Variants in ARL15 observed in about 807,000 individuals in gnomAD.
ARL15 encodes ADP-ribosylation factor-like protein 15.
Under a neutral mutation model 25.2 loss-of-function variants are expected in ARL15, and 19 were observed. The observed-to-expected ratio is 0.75, with a 90% confidence interval of 0.53 to 1.10. The LOEUF (loss-of-function observed/expected upper bound fraction) is 1.10, where lower values mean the gene tolerates loss of function less well. Ranked by LOEUF, ARL15 falls within the 50% of genes least tolerant of loss-of-function variation. ARL15 has a pLI of 0.00. For missense variants in ARL15, 220 were observed against 246.0 expected (o/e 0.89, Z 0.71); for synonymous variants, 94 against 86.8 (o/e 1.08, Z -0.46).
intron 4 of ARL15, among the ~76,000 whole-genome samples, chr5:54,078,226 A>G (rs1480768584): frequency 6.6e-6 from 1 of 152,200 alleles, no homozygotes; most frequent in African/African-American, 2.4e-5. Context: ...GTATGCTTAC[A>G]TTGTAATCAA....
chr5:53,911,947 T>C (rs1428942634), intron 4 of ARL15: 1 of 152,156 alleles, frequency 6.6e-6, no homozygotes, highest in Non-Finnish European at 1.5e-5. Context: ...TATTTCTTTT[T>C]CACCTTCCTT....
intron 4 of ARL15, among the ~76,000 whole-genome samples, chr5:54,036,229 A>G (rs918048449): frequency 6.6e-6 from 1 of 152,182 alleles, no homozygotes; most frequent in African/African-American, 2.4e-5. Flanking sequence ...CAAATTATTC[A>G]AAATGAAATA....
intron 3 of ARL15, among the ~76,000 whole-genome samples, chr5:54,118,579 T>C (rs1752978849): frequency 1.3e-5 from 2 of 152,188 alleles, no homozygotes; most frequent in African/African-American, 2.4e-5. Context: ...AATTTAGGCA[T>C]AAATTTAGAG....
At chr5:54,051,630 G>A (rs548309310) in intron 4 of ARL15, among the ~76,000 whole-genome samples, 80 of 152,238 alleles carry the variant, frequency 5.3e-4, no homozygotes, top group African/African-American at 1.9e-3. Flanking sequence ...ACCACTACAC[G>A]TTTGCTAAAA....
At chr5:54,194,160 G>A (rs1755487117) in intron 1 of ARL15, among the ~76,000 whole-genome samples, 1 of 151,850 alleles carries the variant, frequency 6.6e-6, no homozygotes, top group Non-Finnish European at 1.5e-5. Context: ...TCATAATTTA[G>A]CTCTATATTG....
intron 4 of ARL15, among the ~76,000 whole-genome samples, chr5:53,999,563 C>T (rs535720037): frequency 1.3e-5 from 2 of 151,986 alleles, no homozygotes; most frequent in South Asian, 2.1e-4. Context: ...TGCACTCCAA[C>T]TTGTGCAACA....
At chr5:54,199,766 C>A (rs1755658024) in intron 1 of ARL15, among the ~76,000 whole-genome samples, 1 of 140,588 alleles carries the variant, frequency 7.1e-6, no homozygotes. Flanking sequence ...ACTAGAAATA[C>A]CATTTGACCC....
intron 4 of ARL15, among the ~76,000 whole-genome samples, chr5:54,046,806 T>C (rs1218485982): frequency 6.6e-6 from 1 of 152,150 alleles, no homozygotes; most frequent in Non-Finnish European, 1.5e-5. Flanking sequence ...ATGCAGGGCT[T>C]ACTGGGGACA....
intron 4 of ARL15, among the ~76,000 whole-genome samples, chr5:53,909,472 C>T (rs529279442): frequency 2.9e-4 from 44 of 152,274 alleles, no homozygotes; most frequent in African/African-American, 7.5e-4. Flanking sequence ...TTAGGGAGGC[C>T]GAGGTGGGCA....
intron 1 of ARL15, among the ~76,000 whole-genome samples, chr5:54,265,846 G>A (rs965273089): frequency 2.6e-5 from 4 of 152,106 alleles, no homozygotes; most frequent in Admixed American, 6.6e-5. Context: ...TTAGAATGAT[G>A]GCTGACACTT....
In ARL15 at chr5:54,300,416, A is replaced by G. The variant is rs35948; in HGVS notation, c.48+10016T>C. On this transcript the variant is annotated intron_variant, in intron 1 of 4. Transcript: ENST00000504924. ...AGCTGTTGCAATGTACCCAGCTCAG[A>G]TGCCAGGCATGTGTATGAAGCCTTG... 9.3e-3 allele frequency among the ~76,000 whole-genome samples: 1,418 copies of G among 152,218 alleles called. 8 individuals are homozygous for G. The highest frequency in any genetic ancestry group is 0.02 in the Middle Eastern group (6 of 294).
rs57386310 is a variant in ARL15, at chr5:54,140,417, CAGATAGATAGAT to C, written c.253+14151_253+14162del. On this transcript the variant is annotated intron_variant, in intron 3 of 4. Transcript: ENST00000504924. The stretch of plus-strand genomic sequence containing the variant: ...ATATATATATGCGTGTGTGGATAGA[CAGATAGATAGAT>C]AGATAGATAGATAGATAGATAGATA... Among the ~76,000 whole-genome samples, 438 of 145,360 alleles carry C rather than the reference CAGATAGATAGAT, an allele frequency of 3.0e-3. 2 individuals carry two copies. The highest frequency in any genetic ancestry group is 2.9e-3 in the Admixed American group (42 of 14,314).
intron 4 of ARL15, among the ~76,000 whole-genome samples, chr5:53,977,904 G>A (rs979258074): frequency 3.4e-5 from 5 of 149,040 alleles, no homozygotes; most frequent in African/African-American, 1.2e-4. Flanking sequence ...GTTTTATAAA[G>A]TATTTTATGT....
intron 2 of ARL15, among the ~76,000 whole-genome samples, chr5:54,164,039 G>A (rs1754497837): frequency 1.3e-5 from 2 of 151,964 alleles, no homozygotes; most frequent in South Asian, 4.1e-4. Context: ...TTTTCTTAAA[G>A]TCCCGTTTTA....
chr5:53,920,142 C>G (rs945061507), intron 4 of ARL15, among the ~76,000 whole-genome samples: 11 of 152,126 alleles, frequency 7.2e-5, no homozygotes, highest in African/African-American at 2.7e-4. Context: ...TGCTAAAGCC[C>G]TGAACAATCC....
At chr5:54,223,655 A>C (rs935330359) in intron 1 of ARL15, among the ~76,000 whole-genome samples, 61 of 152,228 alleles carry the variant, frequency 4.0e-4, no homozygotes, top group Non-Finnish European at 7.3e-5. Context: ...ATGATTCTCA[A>C]ATCAGAGCTT....
intron 4 of ARL15, among the ~76,000 whole-genome samples, chr5:54,040,349 GA>G: frequency 6.6e-6 from 1 of 152,292 alleles, no homozygotes; most frequent in South Asian, 2.1e-4. Flanking sequence ...AGTGGGAAGA[GA>G]GAATCAAATA....
intron 4 of ARL15, among the ~76,000 whole-genome samples, chr5:54,072,523 G>A (rs571786278): frequency 2.6e-5 from 4 of 152,102 alleles, no homozygotes; most frequent in African/African-American, 7.2e-5. Context: ...AAATGTCTCC[G>A]AGATATTTAA....
chr5:54,178,840 T>C (rs1298605982), intron 1 of ARL15, among the ~76,000 whole-genome samples: 1 of 152,208 alleles, frequency 6.6e-6, no homozygotes, highest in Non-Finnish European at 1.5e-5. Flanking sequence ...TTTGAAAATG[T>C]AAACCCAGTA....
Sources: allele counts gnomAD v4.1 joint callset (sites outside exome capture counted in the v4.1 genomes callset), GRCh38; gene constraint gnomAD v4.1.1; transcripts MANE v1.5; gene names NCBI Gene and HGNC (gene_info 2026-07-23, HGNC 2026-07-21).